The following AVEN variants were observed in gnomAD, a reference collection of about 807,000 sequenced individuals.
The protein encoded by AVEN is apoptosis and caspase activation inhibitor, also known as cell death regulator Aven.
Under a neutral mutation model 38.1 loss-of-function variants are expected in AVEN, and 41 were observed. The observed-to-expected ratio is 1.08, with a 90% CI of 0.84 to 1.40. The LOEUF (loss-of-function observed/expected upper bound fraction) is 1.40, where lower values mean the gene tolerates loss of function less well. Ranked by LOEUF, AVEN falls within the 40% of genes most tolerant of loss-of-function variation. The pLI is 0.00. For missense variants in AVEN, 605 were observed against 438.8 expected (o/e 1.38, Z -3.38); for synonymous variants, 206 against 171.8 (o/e 1.20, Z -1.56).
At chr15:33,888,951 C>T (rs775694912) in intron 2 of AVEN, among the ~76,000 whole-genome samples, 6 of 151,980 alleles carry the variant, frequency 3.9e-5, no homozygotes, top group Non-Finnish European at 7.4e-5. Flanking sequence ...TTCTTGACCT[C>T]GTGATCCACC....
chr15:33,995,767 T>C (rs1896906119), intron 2 of AVEN, among the ~76,000 whole-genome samples: 1 of 152,250 alleles, frequency 6.6e-6, no homozygotes, highest in Non-Finnish European at 1.5e-5. Flanking sequence ...GCGTGATCAA[T>C]GCAGAAGACA....
chr15:33,933,372 T>A (rs1337916933), intron 2 of AVEN, among the ~76,000 whole-genome samples: 1 of 152,064 alleles, frequency 6.6e-6, no homozygotes, highest in Non-Finnish European at 1.5e-5. Flanking sequence ...CAGCTCCATA[T>A]GGAGATGGAG....
chr15:33,898,118 G>A (rs1463761826), intron 2 of AVEN, among the ~76,000 whole-genome samples: 3 of 152,140 alleles, frequency 2.0e-5, no homozygotes, highest in Non-Finnish European at 4.4e-5. Flanking sequence ...GAACCAGGGA[G>A]GCAAAGCTTG....
intron 1 of AVEN, among the ~76,000 whole-genome samples, chr15:34,027,880 A>C (rs1898568947): frequency 6.6e-6 from 1 of 152,082 alleles, no homozygotes; most frequent in Non-Finnish European, 1.5e-5. Context: ...GAGGAACAAG[A>C]TGTTCAAGAG....
At chr15:34,058,890 C>CT (rs1009755002) in intron 5 of AVEN, among the ~76,000 whole-genome samples, 1 of 151,988 alleles carries the variant, frequency 6.6e-6, no homozygotes, top group Non-Finnish European at 1.5e-5. Context: ...GTCCAATTTC[C>CT]TTTTTTTCTT....
At chr15:33,962,919 C>CAAAAAAAAAAAAAAAAA (rs57807791) in intron 2 of AVEN, among the ~76,000 whole-genome samples, 1 of 81,948 alleles carries the variant, frequency 1.2e-5, no homozygotes, top group African/African-American at 5.4e-5. Flanking sequence ...AACTCGTTCT[C>CAAAAAAAAAAAAAAAAA]AAAAAAAAAA....
At chr15:34,009,245 T>C (rs952892443) in intron 1 of AVEN, among the ~76,000 whole-genome samples, 3 of 152,126 alleles carry the variant, frequency 2.0e-5, no homozygotes, top group African/African-American at 4.8e-5. Flanking sequence ...AGGCCCACCT[T>C]ACAAGATACA....
intron 2 of AVEN, among the ~76,000 whole-genome samples, chr15:33,938,711 A>G (rs923380733): frequency 2.6e-5 from 4 of 152,216 alleles, no homozygotes; most frequent in African/African-American, 7.2e-5. Context: ...AAAACAGAGA[A>G]TGCATTAGTT....
At chr15:33,857,016 C>T (rs769420547), downstream of AVEN, among the ~76,000 whole-genome samples, 5 of 152,152 alleles carry the variant, frequency 3.3e-5, no homozygotes, top group Non-Finnish European at 2.9e-5. Flanking sequence ...CCTCAGGTAA[C>T]AGCTAGCTCT....
At position 33,998,514 on chromosome 15, in the gene AVEN, C is replaced by G. The variant is rs538603444; in HGVS notation, c.445+4518G>C. ...AAAAGTCTTGACTCACTTCTCCCAC[C>G]AGCCCATTATTCTCCTTTCCTTTAT... On this transcript the variant is annotated intron_variant, in intron 2 of 5. Transcript: ENST00000306730. Among the ~76,000 whole-genome samples the G allele has an allele frequency of 2.0e-5, 3 of 152,224 alleles. No homozygotes were observed. The East Asian group carries it at 5.8e-4, about 29-fold the overall frequency.
chr15:33,890,833 C>G (rs1006948216), intron 2 of AVEN, among the ~76,000 whole-genome samples: 2 of 152,146 alleles, frequency 1.3e-5, no homozygotes, highest in Non-Finnish European at 2.9e-5. Flanking sequence ...TAAAACTGGC[C>G]AAGCATGGTG....
intron 2 of AVEN, among the ~76,000 whole-genome samples, chr15:33,969,846 A>C (rs1895554820): frequency 6.6e-6 from 1 of 152,084 alleles, no homozygotes; most frequent in South Asian, 2.1e-4. Flanking sequence ...CAAACTGTAA[A>C]ATGCAAAGCA....
chr15:34,050,768 T>C (rs148164796), intron 5 of AVEN, among the ~76,000 whole-genome samples: 2,142 of 152,312 alleles, frequency 0.014, 63 homozygotes, highest in African/African-American at 0.048. Context: ...CATTACATAA[T>C]GGTAAAGGGT....
intron 3 of AVEN, chr15:34,066,498 T>C (rs1037458470): frequency 6.6e-6 from 1 of 152,228 alleles, no homozygotes; most frequent in Non-Finnish European, 1.5e-5. Flanking sequence ...TGTTCATCTT[T>C]TGTGAAATTG....
intron 2 of AVEN, among the ~76,000 whole-genome samples, chr15:33,937,395 T>C (rs1894122216): frequency 6.6e-6 from 1 of 151,232 alleles, no homozygotes. Context: ...TAGCCGGGCG[T>C]GGTGGCAGGC....
intron 2 of AVEN, among the ~76,000 whole-genome samples, chr15:33,962,400 C>G (rs114101707): frequency 0.011 from 1,719 of 152,286 alleles, 34 homozygotes; most frequent in African/African-American, 0.038. Context: ...TCTCCAGCCA[C>G]AGTTACTCAA....
At chr15:34,072,804 A>G (rs1051747345) in intron 1 of AVEN, among the ~76,000 whole-genome samples, 5 of 149,356 alleles carry the variant, frequency 3.3e-5, no homozygotes, top group African/African-American at 1.2e-4. Flanking sequence ...GTACACCACC[A>G]CACTCAGCTA....
intron 2 of AVEN, among the ~76,000 whole-genome samples, chr15:33,920,241 C>G (rs1334270896): frequency 6.6e-6 from 1 of 152,162 alleles, no homozygotes; most frequent in East Asian, 1.9e-4. Flanking sequence ...TAAGTGGAAA[C>G]AGTTCAGTAG....
chr15:33,917,877 C>T (rs902281346), intron 2 of AVEN, among the ~76,000 whole-genome samples: 8 of 152,138 alleles, frequency 5.3e-5, no homozygotes, highest in East Asian at 1.9e-4. Context: ...TCAGGTGATG[C>T]GTGCACCAAA....
Sources: allele counts gnomAD v4.1 joint callset (sites outside exome capture counted in the v4.1 genomes callset), GRCh38; gene constraint gnomAD v4.1.1; transcripts MANE v1.5; gene names NCBI Gene and HGNC (gene_info 2026-07-23, HGNC 2026-07-21).